PRKG1: variants seen among roughly 807,000 people sequenced by gnomAD.
The protein encoded by PRKG1 is cGMP-dependent protein kinase 1.
In PRKG1, 35 loss-of-function variants were observed where a neutral mutation model predicts 88.1. That is an observed-to-expected ratio of 0.40 (90% confidence interval 0.30 to 0.53). The LOEUF (loss-of-function observed/expected upper bound fraction) is 0.53. Ranked by LOEUF, PRKG1 falls within the 20% of genes least tolerant of loss-of-function variation. The pLI is 0.59. For missense variants in PRKG1, 540 were observed against 839.8 expected (o/e 0.64, Z 4.41); for synonymous variants, 303 against 292.5 (o/e 1.04, Z -0.37).
At chr10:51,824,841 G>A (rs1839843935) in intron 4 of PRKG1, among the ~76,000 whole-genome samples, 1 of 152,046 alleles carries the variant, frequency 6.6e-6, no homozygotes, top group South Asian at 2.1e-4. Context: ...CTATTCATGA[G>A]GGATTCACCC....
chr10:52,096,962 A>G (rs1847187333), intron 7 of PRKG1, among the ~76,000 whole-genome samples: 3 of 152,140 alleles, frequency 2.0e-5, no homozygotes, highest in Admixed American at 6.6e-5. Flanking sequence ...AGGACTTAGT[A>G]TGCATTATCT....
At chr10:51,045,400 C>T (rs1843475615) in intron 1 of PRKG1, among the ~76,000 whole-genome samples, 1 of 152,068 alleles carries the variant, frequency 6.6e-6, no homozygotes, top group Non-Finnish European at 1.5e-5. Context: ...TGGCTCACTG[C>T]AACCTCCACT....
intron 9 of PRKG1, among the ~76,000 whole-genome samples, chr10:52,205,818 G>A (rs889980440): frequency 2.0e-5 from 3 of 152,026 alleles, no homozygotes; most frequent in Admixed American, 6.6e-5. Flanking sequence ...TAGGTGATCT[G>A]TTCCTTCTCT....
intron 7 of PRKG1, among the ~76,000 whole-genome samples, chr10:52,117,176 G>A (rs1847708126): frequency 6.9e-6 from 1 of 144,334 alleles, no homozygotes; most frequent in African/African-American, 2.9e-5. Flanking sequence ...GTGTGTGTGT[G>A]TGTGTGTGTG....
At chr10:51,943,315 CTT>C (rs1276473714) in intron 5 of PRKG1, among the ~76,000 whole-genome samples, 5 of 151,848 alleles carry the variant, frequency 3.3e-5, no homozygotes, top group African/African-American at 1.2e-4. Context: ...TATCCTGAGA[CTT>C]TGCTGAAGTT....
chr10:52,255,794 G>A (rs1216496333), intron 10 of PRKG1, among the ~76,000 whole-genome samples: 1 of 151,908 alleles, frequency 6.6e-6, no homozygotes, highest in Non-Finnish European at 1.5e-5. Flanking sequence ...TAAGTAACCT[G>A]ATGCATTATG....
chr10:51,050,575 G>C (rs1589123690), intron 1 of PRKG1, among the ~76,000 whole-genome samples: 1 of 152,050 alleles, frequency 6.6e-6, no homozygotes, highest in Non-Finnish European at 1.5e-5. Flanking sequence ...TGGATATTAG[G>C]TTGCTTCCAT....
chr10:51,760,558 GC>G (rs1418928024), intron 3 of PRKG1, among the ~76,000 whole-genome samples: 1 of 148,340 alleles, frequency 6.7e-6, no homozygotes, highest in African/African-American at 2.5e-5. Flanking sequence ...TACAATCTCT[GC>G]CTCCCGGGTT....
intron 3 of PRKG1, among the ~76,000 whole-genome samples, chr10:51,708,851 G>A (rs1204095559): frequency 1.3e-5 from 2 of 152,138 alleles, no homozygotes; most frequent in African/African-American, 4.8e-5. Context: ...GAGAGGTCAG[G>A]AGACTGACTT....
chr10:52,075,368 T>G (rs1434503822), intron 7 of PRKG1, among the ~76,000 whole-genome samples: 1 of 152,186 alleles, frequency 6.6e-6, no homozygotes, highest in South Asian at 2.1e-4. Context: ...TTACTAAGAT[T>G]TTTTTGGTTG....
Position 51,435,238 on chromosome 10 carries a change from A to G in PRKG1, c.479-32485A>G, listed in dbSNP as rs117505117. Among the ~76,000 whole-genome samples the G allele has an allele frequency of 1.8e-4, 28 of 152,074 alleles. No individual in the cohort carries two copies. The East Asian group carries it at 5.4e-3, about 29-fold the overall frequency. ...AACATTTTTGGCTTGTAATGGCATT[A>G]TGTGTTTGCTTGTTTGTTTGTTTGT... is the stretch of plus-strand genomic sequence containing the variant. On this transcript the variant is annotated intron_variant, in intron 2 of 17. Coordinates refer to ENST00000373980, the MANE Select transcript of PRKG1 (RefSeq NM_006258.4).
At chr10:52,018,172 A>G (rs1170000543) in intron 5 of PRKG1, among the ~76,000 whole-genome samples, 1 of 152,194 alleles carries the variant, frequency 6.6e-6, no homozygotes, top group African/African-American at 2.4e-5. Context: ...CCAGAAACCT[A>G]TTAACAGCTC....
intron 4 of PRKG1, among the ~76,000 whole-genome samples, chr10:51,817,353 C>CG (rs1292682381): frequency 2.0e-5 from 3 of 147,590 alleles, no homozygotes; most frequent in South Asian, 4.6e-4. Flanking sequence ...CCCAACCCCC[C>CG]CCCTCCCCTG....
intron 1 of PRKG1, among the ~76,000 whole-genome samples, chr10:51,137,655 T>C (rs1845721136): frequency 6.6e-6 from 1 of 152,114 alleles, no homozygotes; most frequent in Non-Finnish European, 1.5e-5. Flanking sequence ...GACAAGAAAT[T>C]TTGAGTTGAC....
chr10:51,559,468 T>C (rs1305197571), intron 3 of PRKG1, among the ~76,000 whole-genome samples: 1 of 152,108 alleles, frequency 6.6e-6, no homozygotes, highest in East Asian at 1.9e-4. Flanking sequence ...CAGTTCCAGA[T>C]TGCAGAGTCT....
chr10:52,156,642 T>C (rs2132677945), intron 8 of PRKG1, among the ~76,000 whole-genome samples: 1 of 151,806 alleles, frequency 6.6e-6, no homozygotes, highest in South Asian at 2.1e-4. Flanking sequence ...GTTGATAGTA[T>C]AAACCGCTAA....
intron 2 of PRKG1, among the ~76,000 whole-genome samples, chr10:51,366,132 A>AT (rs1454806618): frequency 4.0e-5 from 6 of 151,610 alleles, no homozygotes; most frequent in Non-Finnish European, 7.4e-5. Context: ...GAAGTCTCTC[A>AT]TTTTTTTCTC....
intron 3 of PRKG1, among the ~76,000 whole-genome samples, chr10:51,474,483 TAA>T (rs1173851633): frequency 6.6e-6 from 1 of 152,018 alleles, no homozygotes; most frequent in Admixed American, 6.6e-5. Context: ...GAGAAGGTCA[TAA>T]GTTTAATGCC....
At chr10:51,128,187 A>G (rs917990731) in intron 1 of PRKG1, among the ~76,000 whole-genome samples, 1 of 144,696 alleles carries the variant, frequency 6.9e-6, no homozygotes, top group African/African-American at 2.5e-5. Context: ...GCTTTAAGAA[A>G]TGAGAGGTTT....
Sources: allele counts gnomAD v4.1 joint callset (sites outside exome capture counted in the v4.1 genomes callset), GRCh38; gene constraint gnomAD v4.1.1; transcripts MANE v1.5; gene names NCBI Gene and HGNC (gene_info 2026-07-23, HGNC 2026-07-21).